DLGAP1: variants seen among roughly 807,000 people sequenced by gnomAD.
The protein encoded by DLGAP1 is DLG associated protein 1, also known as disks large-associated protein 1.
A neutral mutation model predicts 90.8 loss-of-function variants in DLGAP1; 11 were observed. The ratio of observed to expected loss-of-function variants is 0.12; its 90% confidence interval spans 0.08 to 0.20. The LOEUF (loss-of-function observed/expected upper bound fraction) is 0.20. Among genes scored for constraint, DLGAP1 ranks in the 10% least tolerant of loss-of-function variants. The pLI, the probability that DLGAP1 is intolerant of heterozygous loss-of-function variation, is 1.00. For synonymous variants in DLGAP1, 558 were observed against 540.7 expected, an observed-to-expected ratio of 1.03 and a Z score of -0.44; for missense variants, 1,050 against 1,333.8, an observed-to-expected ratio of 0.79 and a Z score of 3.31.
At chr18:3,657,639 G>T (rs916358920) in intron 7 of DLGAP1, among the ~76,000 whole-genome samples, 2 of 137,950 alleles carry the variant, frequency 1.4e-5, no homozygotes, top group Non-Finnish European at 3.1e-5. Flanking sequence ...GTCTTGCTCT[G>T]TTGCCCAGGC....
At chr18:3,928,717 G>C (rs1599172663) in intron 3 of DLGAP1, among the ~76,000 whole-genome samples, 1 of 152,080 alleles carries the variant, frequency 6.6e-6, no homozygotes. Flanking sequence ...ATGGAACCTG[G>C]GCTAAACACA....
intron 3 of DLGAP1, among the ~76,000 whole-genome samples, chr18:3,990,391 A>G (rs1369448892): frequency 1.3e-5 from 2 of 150,602 alleles, no homozygotes; most frequent in African/African-American, 4.9e-5. Flanking sequence ...GGACAAAAAA[A>G]CCAAACACCA....
intron 3 of DLGAP1, among the ~76,000 whole-genome samples, chr18:3,883,868 T>C (rs915274133): frequency 3.3e-5 from 5 of 152,320 alleles, no homozygotes; most frequent in African/African-American, 9.6e-5. Context: ...TGCAACTCAC[T>C]GGGCAATATC....
At chr18:3,959,180 T>C (rs577491677) in intron 3 of DLGAP1, among the ~76,000 whole-genome samples, 2 of 152,198 alleles carry the variant, frequency 1.3e-5, no homozygotes, top group Non-Finnish European at 2.9e-5. Context: ...CTCAGTTTTT[T>C]TTTTGAAAGA....
chr18:4,134,162 C>A (rs79936179), intron 2 of DLGAP1, among the ~76,000 whole-genome samples: 2,951 of 152,070 alleles, frequency 0.019, 89 homozygotes, highest in African/African-American at 0.067. Flanking sequence ...AGTCTGAATC[C>A]TGTTAACATT....
At chr18:3,816,314 G>A (rs751951804) in intron 4 of DLGAP1, among the ~76,000 whole-genome samples, 1 of 152,160 alleles carries the variant, frequency 6.6e-6, no homozygotes, top group African/African-American at 2.4e-5. Context: ...AAAGTGTTAA[G>A]AAAATTGTCC....
In DLGAP1 at chr18:4,100,142, A is replaced by G. The variant is rs144775545; in HGVS notation, c.-159+51038T>C. Among the ~76,000 whole-genome samples, 305 of 152,322 alleles carry G rather than the reference A, an allele frequency of 2.0e-3. 3 individuals carry two copies. The highest frequency in any genetic ancestry group is 7.1e-3 in the African/African-American group (295 of 41,574). ...TTCTTAATGGACCTTGACAAAATCC[A>G]TCAGAGGAATCACTATCTATGGCAG... On this transcript the variant is annotated intron_variant, in intron 2 of 12. Coordinates refer to ENST00000315677, the MANE Select transcript of DLGAP1 (RefSeq NM_004746.4).
chr18:3,506,636 T>C (rs1207643411), intron 11 of DLGAP1, among the ~76,000 whole-genome samples: 1 of 152,174 alleles, frequency 6.6e-6, no homozygotes, highest in Non-Finnish European at 1.5e-5. Context: ...GTTTACACTC[T>C]TCTTCATAAT....
intron 2 of DLGAP1, among the ~76,000 whole-genome samples, chr18:4,010,103 G>A (rs982202629): frequency 2.0e-5 from 3 of 152,122 alleles, no homozygotes; most frequent in African/African-American, 7.2e-5. Flanking sequence ...ATGATACAGG[G>A]TTACACACCA....
intron 4 of DLGAP1, among the ~76,000 whole-genome samples, chr18:3,832,017 AT>A (rs2068057717): frequency 6.6e-6 from 1 of 152,254 alleles, no homozygotes; most frequent in Non-Finnish European, 1.5e-5. Context: ...CACATCTTGT[AT>A]TTTACACCAA....
Position 3,621,329 on chromosome 18 carries a change from G to A in DLGAP1, c.1592-39081C>T, listed in dbSNP as rs768758914. Among the ~76,000 whole-genome samples, 8 of 152,168 alleles carry A rather than the reference G, an allele frequency of 5.3e-5. No homozygotes were observed. The South Asian group carries it at 6.2e-4, about 12-fold the overall frequency. Reference sequence around the variant, plus strand: ...TCCTAAGGTTCATCAAAGCTGAAGCGGGAAGAAGGCTTGAGGATAGGAGTT... The same window carrying A: ...TCCTAAGGTTCATCAAAGCTGAAGCAGGAAGAAGGCTTGAGGATAGGAGTT... On this transcript the variant is annotated intron_variant, in intron 7 of 12. Transcript: ENST00000315677.
intron 1 of DLGAP1, among the ~76,000 whole-genome samples, chr18:4,212,128 C>T (rs1399611834): frequency 6.6e-6 from 1 of 152,090 alleles, no homozygotes; most frequent in Non-Finnish European, 1.5e-5. Flanking sequence ...TCAAATTGTA[C>T]ATTACTTAAC....
At chr18:4,140,590 T>C (rs1190342298) in intron 2 of DLGAP1, among the ~76,000 whole-genome samples, 1 of 151,992 alleles carries the variant, frequency 6.6e-6, no homozygotes, top group African/African-American at 2.4e-5. Context: ...CACCACAGTG[T>C]TGTAATATTC....
intron 2 of DLGAP1, among the ~76,000 whole-genome samples, chr18:4,034,056 T>TTC (rs2074846807): frequency 6.8e-6 from 1 of 146,286 alleles, no homozygotes; most frequent in Admixed American, 6.8e-5. Context: ...TTTTTTTTTT[T>TTC]CTGAGATGGA....
intron 1 of DLGAP1, among the ~76,000 whole-genome samples, chr18:4,296,692 T>G (rs1362908705): frequency 2.0e-5 from 3 of 152,246 alleles, no homozygotes; most frequent in African/African-American, 7.2e-5. Context: ...AAAGTAATTC[T>G]TTACCTCTAG....
chr18:4,282,784 C>T lies in DLGAP1; in HGVS notation c.-266-131497G>A, dbSNP rs150640136. Among the ~76,000 whole-genome samples, 337 of 152,268 alleles carry T rather than the reference C, an allele frequency of 2.2e-3. 5 individuals are homozygous for T. In the South Asian group the frequency reaches 0.024, roughly 11 times the overall value. On this transcript the variant is annotated intron_variant, in intron 1 of 12. Transcript: ENST00000315677. ...AGAGAAGAGCCTGCTTTACCAGTTA[C>T]GACACAGCAGCATGCCTCTGACTTA...
intron 3 of DLGAP1, among the ~76,000 whole-genome samples, chr18:3,907,356 A>T (rs757088238): frequency 1.2e-4 from 18 of 152,244 alleles, no homozygotes; most frequent in Non-Finnish European, 2.5e-4. Flanking sequence ...ACAACGTATA[A>T]ATAATGACTG....
intron 7 of DLGAP1, among the ~76,000 whole-genome samples, chr18:3,694,249 G>A (rs1304706459): frequency 2.6e-5 from 4 of 152,132 alleles, no homozygotes; most frequent in Non-Finnish European, 4.4e-5. Flanking sequence ...AGTATTCCAT[G>A]GTAAATATGT....
chr18:4,008,552 G>T lies in DLGAP1; in HGVS notation c.-158-3351C>A, dbSNP rs568056489. Among the ~76,000 whole-genome samples, 3 of 152,098 alleles carry T rather than the reference G, an allele frequency of 2.0e-5. No homozygotes were observed. The South Asian group carries it at 6.2e-4, about 32-fold the overall frequency. On this transcript the variant is annotated intron_variant, in intron 2 of 12. Transcript: ENST00000315677. ...ACAGGCACAGCAGTTGGATATAAAT[G>T]GCTTCTGAAGAAATCACATCTGTCT...
Sources: allele counts gnomAD v4.1 joint callset (sites outside exome capture counted in the v4.1 genomes callset), GRCh38; gene constraint gnomAD v4.1.1; transcripts MANE v1.5; gene names NCBI Gene and HGNC (gene_info 2026-07-23, HGNC 2026-07-21).